The following ATCAY variants were observed in gnomAD, a reference collection of about 807,000 sequenced individuals.
ATCAY encodes the protein caytaxin.
In ATCAY, 22 loss-of-function variants were observed where a neutral mutation model predicts 47.7. The observed-to-expected ratio is 0.46, with a 90% confidence interval of 0.33 to 0.66. The LOEUF (loss-of-function observed/expected upper bound fraction) is 0.66. Among genes scored for constraint, ATCAY ranks in the 30% least tolerant of loss-of-function variants. The pLI, the probability that ATCAY is intolerant of heterozygous loss-of-function variation, is 0.02. For missense variants in ATCAY, 452 were observed against 515.0 expected (o/e 0.88, Z 1.18); for synonymous variants, 216 against 207.6 (o/e 1.04, Z -0.35).
intron 7 of ATCAY, 108 bp from the exon 8 acceptor site, chr19:3,910,695 T>G: frequency 9.2e-7 from 1 of 1,090,332 alleles, no homozygotes; most frequent in Non-Finnish European, 1.4e-6. Context: ...ACACGTGGAA[T>G]GAGCAGAGTG....
intron 9 of ATCAY, among the ~76,000 whole-genome samples, chr19:3,917,469 C>T (rs1203961712): frequency 1.3e-5 from 2 of 149,564 alleles, no homozygotes; most frequent in Non-Finnish European, 3.0e-5. Flanking sequence ...CTGTAAGTCC[C>T]AGCTACTCCG....
intron 8 of ATCAY, 87 bp downstream of exon 8, chr19:3,910,976 T>C: frequency 7.1e-7 from 1 of 1,402,670 alleles, no homozygotes; most frequent in East Asian, 2.3e-5. Context: ...TGTGCATGTG[T>C]GCACGTGTGT....
In ATCAY at chr19:3,897,288, A is replaced by AATCTATATCTAT. The variant is rs544266503; in HGVS notation, c.78-5180_78-5169dup. Among the ~76,000 whole-genome samples, 348 of 143,630 alleles carry AATCTATATCTAT rather than the reference A, an allele frequency of 2.4e-3. 4 individuals carry two copies. Among genetic ancestry groups the AATCTATATCTAT allele is most frequent in the African/African-American group, 8.6e-3 (327 of 38,084 alleles). 94.2% of individuals were successfully genotyped at this position (143,630 alleles called of 152,430 possible). ...CTATATATATATATATATATAGCAAAATCTATATCTATATCTATATCTATA... is the reference window on the plus strand; with the variant it reads ...CTATATATATATATATATATAGCAAAATCTATATCTATATCTATATCTATATCTATATCTATA... On this transcript the variant is annotated intron_variant, in intron 2 of 12. Coordinates refer to ENST00000450849, the MANE Select transcript of ATCAY (RefSeq NM_033064.5).
intron 2 of ATCAY, among the ~76,000 whole-genome samples, chr19:3,886,358 C>T (rs1051923382): frequency 6.6e-6 from 1 of 152,016 alleles, no homozygotes; most frequent in Non-Finnish European, 1.5e-5. Flanking sequence ...TTTGGGAGGC[C>T]GAGGCGGGCG....
At chr19:3,911,768 A>G in intron 8 of ATCAY, among the ~76,000 whole-genome samples, 1 of 152,128 alleles carries the variant, frequency 6.6e-6, no homozygotes, top group Non-Finnish European at 1.5e-5. Flanking sequence ...AAGATTCCTA[A>G]TGTTCACGTT....
intron 2 of ATCAY, among the ~76,000 whole-genome samples, chr19:3,902,241 G>A (rs1252440353): frequency 2.0e-5 from 3 of 152,052 alleles, no homozygotes; most frequent in East Asian, 3.9e-4. Flanking sequence ...AGGATCTCTT[G>A]AGCCCAGGAG....
rs984000548 is a variant in ATCAY, at chr19:3,902,504, CG to C, written c.100del (p.Val34TrpfsTer18). 6.3e-7 allele frequency: 1 copy of C among 1,580,020 alleles called. No homozygotes were observed. Among genetic ancestry groups the C allele is most frequent in the Non-Finnish European group, 8.6e-7 (1 of 1,163,044 alleles). On this transcript the variant is annotated frameshift_variant, in exon 3 of 13. Coordinates refer to ENST00000450849, the MANE Select transcript of ATCAY (RefSeq NM_033064.5). LOFTEE classifies it high-confidence loss of function. The stretch of plus-strand genomic sequence containing the variant: ...GTCCGCAGGCCACTCCCAGAAGAGA[CG>C]GGGGTGGAACTGCTTGGCAGCCCGG... ...EDLPRPLPEE[T>X]GVELLGSPVE... is the part of the protein sequence containing the mutation.
chr19:3,913,143 C>A (rs961764518), intron 8 of ATCAY, among the ~76,000 whole-genome samples: 1 of 151,894 alleles, frequency 6.6e-6, no homozygotes, highest in South Asian at 2.1e-4. Flanking sequence ...CAAAATTAGC[C>A]GAGAGTGGTG....
At chr19:3,902,580 G>A in intron 3 of ATCAY, 35 bp downstream of exon 3, 2 of 1,551,458 alleles carry the variant, frequency 1.3e-6, no homozygotes, top group Non-Finnish European at 1.7e-6. Context: ...GCGGAAACAG[G>A]CTCAGTGTTT....
chr19:3,912,851 C>A (rs1168131971), intron 8 of ATCAY, among the ~76,000 whole-genome samples: 1 of 150,768 alleles, frequency 6.6e-6, no homozygotes, highest in Non-Finnish European at 1.5e-5. Context: ...CACCACTGCA[C>A]TCCAGCCTGG....
intron 2 of ATCAY, among the ~76,000 whole-genome samples, chr19:3,901,269 G>A (rs2038814216): frequency 6.6e-6 from 1 of 152,146 alleles, no homozygotes; most frequent in South Asian, 2.1e-4. Flanking sequence ...CAAGAAATGT[G>A]TCTCTTCTCT....
At chr19:3,921,758 G>A (rs192785727) in intron 12 of ATCAY, among the ~76,000 whole-genome samples, 3 of 152,234 alleles carry the variant, frequency 2.0e-5, no homozygotes, top group East Asian at 3.9e-4. Context: ...TTAGCTGGGT[G>A]TGGTGGCACA....
In ATCAY at chr19:3,908,353, C is replaced by T; in HGVS notation, c.630C>T (p.Ile210=). The stretch of plus-strand genomic sequence containing the variant: ...GCAGCCTCCCCGACTACCACTACAT[C>T]ATGGAGAACCTCTTCCTGTGAGTCC... ...PDSSLPDYHY[I]MENLFLYVIS... is the part of the protein sequence containing the mutation. The change falls in exon 6 of 13, where the codon ATC becomes ATT. Residue 210 remains isoleucine, a synonymous_variant. Transcript: ENST00000450849. 6.3e-7 allele frequency: 1 copy of T among 1,591,512 alleles called. No individual in the cohort carries two copies. The highest frequency in any genetic ancestry group is 1.8e-5 in the Admixed American group (1 of 56,732).
chr19:3,916,820 T>C (rs1409670375), intron 9 of ATCAY, among the ~76,000 whole-genome samples: 1 of 151,672 alleles, frequency 6.6e-6, no homozygotes, highest in African/African-American at 2.4e-5. Flanking sequence ...TTCTGGTTTT[T>C]TTTTTTAGAC....
chr19:3,919,545 T>G (rs1003531135), intron 11 of ATCAY, among the ~76,000 whole-genome samples: 2 of 152,036 alleles, frequency 1.3e-5, no homozygotes, highest in Non-Finnish European at 2.9e-5. Context: ...TGAGCCGAGA[T>G]CAGACCACTG....
chr19:3,902,602 C>A (rs2038824915), intron 3 of ATCAY, 57 bp downstream of exon 3: 2 of 1,528,186 alleles, frequency 1.3e-6, no homozygotes, highest in Non-Finnish European at 1.8e-6. Context: ...CGGGTTTCAG[C>A]CCTGCCTGGG....
chr19:3,899,557 C>T (rs1340848281), intron 2 of ATCAY, among the ~76,000 whole-genome samples: 3 of 151,564 alleles, frequency 2.0e-5, no homozygotes, highest in African/African-American at 4.9e-5. Context: ...TCAGGTGATC[C>T]GCCCGCCTCG....
intron 9 of ATCAY, 106 bp from the exon 10 acceptor site, chr19:3,917,631 AGAAAG>A: frequency 1.7e-6 from 2 of 1,165,002 alleles, no homozygotes; most frequent in South Asian, 1.4e-5. Context: ...GAAGAAGAAA[AGAAAG>A]AAAAAAGAGA....
chr19:3,883,629 C>A (rs1473950030), intron 1 of ATCAY, among the ~76,000 whole-genome samples: 1 of 152,154 alleles, frequency 6.6e-6, no homozygotes, highest in East Asian at 1.9e-4. Flanking sequence ...GCCCAGGGGG[C>A]ACTCCTTCCC....
Sources: gnomAD v4.1 joint callset for allele counts (sites outside exome capture counted in the v4.1 genomes callset) on GRCh38, gnomAD v4.1.1 for gene constraint, MANE v1.5 for transcripts, NCBI Gene and HGNC (gene_info 2026-07-23, HGNC 2026-07-21) for gene names.